The following TJP1 variants were observed in gnomAD, a reference collection of about 807,000 sequenced individuals.
TJP1 encodes the protein tight junction protein ZO-1.
Under a neutral mutation model 194.2 loss-of-function variants are expected in TJP1, and 43 were observed. That is an observed-to-expected ratio of 0.22 (90% confidence interval 0.17 to 0.29). TJP1 has a LOEUF of 0.29. TJP1 is among the 10% of genes least tolerant of loss of function. TJP1 has a pLI of 1.00. For synonymous variants in TJP1, 801 were observed against 779.0 expected (o/e 1.03, Z -0.47); for missense variants, 1,971 against 2,185.7 (o/e 0.90, Z 1.96).
chr15:29,879,813 G>T (rs1427249519), intron 2 of TJP1, among the ~76,000 whole-genome samples: 1 of 152,138 alleles, frequency 6.6e-6, no homozygotes, highest in African/African-American at 2.4e-5. Context: ...CCAGGCTCAG[G>T]TGATCCTCTC....
chr15:29,750,009 AT>A (rs34349418), intron 8 of TJP1, among the ~76,000 whole-genome samples: 256 of 136,332 alleles, frequency 1.9e-3, no homozygotes, highest in Admixed American at 1.8e-3. Flanking sequence ...TGTCCGGCTA[AT>A]TTTTTTTTTT....
At chr15:29,944,544 T>A (rs1434825228) in intron 2 of TJP1, among the ~76,000 whole-genome samples, 1 of 152,334 alleles carries the variant, frequency 6.6e-6, no homozygotes, top group Non-Finnish European at 1.5e-5. Flanking sequence ...ACTGGCAACA[T>A]CTTATTGACA....
intron 2 of TJP1, among the ~76,000 whole-genome samples, chr15:29,878,796 T>C (rs916069724): frequency 1.3e-5 from 2 of 152,052 alleles, no homozygotes; most frequent in Non-Finnish European, 2.9e-5. Flanking sequence ...TGGCCTGGGA[T>C]GAGTATGGGA....
At chr15:29,888,360 T>C (rs972491521) in intron 2 of TJP1, among the ~76,000 whole-genome samples, 9 of 152,208 alleles carry the variant, frequency 5.9e-5, no homozygotes, top group Non-Finnish European at 1.5e-5. Flanking sequence ...CACACACACA[T>C]ATATACACGC....
At chr15:29,740,631 A>T (rs928346937) in intron 10 of TJP1, among the ~76,000 whole-genome samples, 6 of 146,814 alleles carry the variant, frequency 4.1e-5, no homozygotes, top group East Asian at 3.9e-4. Context: ...GACCCTGTTT[A>T]AAAAAAAAAA....
chr15:29,811,892 CT>C (rs1190823891), intron 1 of TJP1, among the ~76,000 whole-genome samples: 4 of 133,452 alleles, frequency 3.0e-5, no homozygotes, highest in Non-Finnish European at 6.7e-5. Flanking sequence ...GAATGAATGT[CT>C]TAAATAATCT....
Position 29,710,814 on chromosome 15 carries a change from A to C in TJP1, c.4372+17T>G. On this transcript the variant is annotated intron_variant, in intron 24 of 27. Coordinates refer to ENST00000614355, the MANE Select transcript of TJP1 (RefSeq NM_001330239.4). ...TAAGCATTACTGTGTTAAAATGTCT[A>C]CTTCCGAACTTCCTACCTTCACCAT... The C allele has an allele frequency of 6.2e-7, 1 of 1,613,686 alleles. No individual in the cohort carries two copies. The highest frequency in any genetic ancestry group is 8.5e-7 in the Non-Finnish European group (1 of 1,179,982).
intron 23 of TJP1, among the ~76,000 whole-genome samples, chr15:29,715,290 T>C (rs950494196): frequency 6.6e-6 from 1 of 152,104 alleles, no homozygotes; most frequent in Non-Finnish European, 1.5e-5. Context: ...ACAACACTAG[T>C]ACAAGACACG....
At chr15:29,706,348 C>T (rs575453261) in intron 25 of TJP1, among the ~76,000 whole-genome samples, 44 of 152,258 alleles carry the variant, frequency 2.9e-4, no homozygotes, top group Non-Finnish European at 5.4e-4. Flanking sequence ...TGAATTGCAA[C>T]CTGAAAGTGT....
chr15:29,820,923 C>T (rs560041021), intron 1 of TJP1, among the ~76,000 whole-genome samples: 3 of 152,298 alleles, frequency 2.0e-5, no homozygotes, highest in African/African-American at 7.2e-5. Context: ...TGTGAGAGTT[C>T]AAAAGTTTCA....
chr15:29,884,494 G>A (rs2053047378), intron 2 of TJP1, among the ~76,000 whole-genome samples: 1 of 152,142 alleles, frequency 6.6e-6, no homozygotes, highest in South Asian at 2.1e-4. Context: ...TACCCAGGTT[G>A]TCCAAGATAG....
chr15:29,798,649 A>T (rs1366769827), intron 2 of TJP1, among the ~76,000 whole-genome samples: 5 of 152,174 alleles, frequency 3.3e-5, no homozygotes, highest in Non-Finnish European at 5.9e-5. Flanking sequence ...TTACCATGGG[A>T]CCCACAGCAA....
intron 22 of TJP1, among the ~76,000 whole-genome samples, chr15:29,717,603 C>CTTA (rs1169012296): frequency 5.9e-5 from 9 of 152,322 alleles, no homozygotes; most frequent in African/African-American, 2.2e-4. Flanking sequence ...TGCTGATGTG[C>CTTA]TTAGCACAAG....
At chr15:29,773,466 T>C (rs751795025) in intron 2 of TJP1, 109 bp from the exon 3 acceptor site, 33 of 1,102,700 alleles carry the variant, frequency 3.0e-5, no homozygotes, top group Non-Finnish European at 3.6e-5. Context: ...TCTTAATATA[T>C]CTGTGATCCA....
chr15:29,968,494 C>T (rs985136665), intron 1 of TJP1: 36 of 901,368 alleles, frequency 4.0e-5, no homozygotes, highest in Middle Eastern at 5.6e-4. Flanking sequence ...CGGCCCTGGG[C>T]TCGGCCTTGG....
At chr15:29,871,718 G>A (rs1005587438) in intron 2 of TJP1, among the ~76,000 whole-genome samples, 7 of 152,310 alleles carry the variant, frequency 4.6e-5, no homozygotes, top group South Asian at 4.1e-4. Context: ...TAACGTCATC[G>A]GACTGCAGCC....
chr15:29,959,013 G>A (rs1374624002), intron 1 of TJP1, among the ~76,000 whole-genome samples: 2 of 147,456 alleles, frequency 1.4e-5, no homozygotes, highest in Non-Finnish European at 3.0e-5. Context: ...TTTTTGAGTC[G>A]GAGTCTCGCT....
At chr15:29,716,373 T>A (rs1027154105) in intron 23 of TJP1, among the ~76,000 whole-genome samples, 1 of 152,222 alleles carries the variant, frequency 6.6e-6, no homozygotes, top group African/African-American at 2.4e-5. Flanking sequence ...GTTGACACTG[T>A]CTTCCGTCAA....
Position 29,790,400 on chromosome 15 carries a change from T to C in TJP1, c.84+10246A>G, listed in dbSNP as rs116967533. Among the ~76,000 whole-genome samples the C allele has an allele frequency of 9.3e-3, 1,411 of 151,946 alleles. 12 individuals carry two copies. Among genetic ancestry groups the C allele is most frequent in the Non-Finnish European group, 0.015 (1,028 of 68,008 alleles). On this transcript the variant is annotated intron_variant, in intron 2 of 27. Coordinates refer to ENST00000614355, the MANE Select transcript of TJP1 (RefSeq NM_001330239.4). ...TCCAAAGATTTTAAAAATGTTTTTA[T>C]TTTTAATTATTATAGTAAACAGTAG...
Sources: gnomAD v4.1 joint callset for allele counts (sites outside exome capture counted in the v4.1 genomes callset) on GRCh38, gnomAD v4.1.1 for gene constraint, MANE v1.5 for transcripts, NCBI Gene and HGNC (gene_info 2026-07-23, HGNC 2026-07-21) for gene names.